Variants in DGCR2 observed in about 807,000 individuals in gnomAD.
The protein encoded by DGCR2 is integral membrane protein DGCR2/IDD.
DGCR2 carries 24 observed loss-of-function variants against 51.6 expected under a neutral mutation model. That is an observed-to-expected ratio of 0.47 (90% CI 0.34 to 0.65). The LOEUF is 0.65. Among genes scored for constraint, DGCR2 ranks in the 30% least tolerant of loss-of-function variants. DGCR2 has a pLI of 0.01. For missense variants in DGCR2, 765 were observed against 772.1 expected (o/e 0.99, Z 0.11); for synonymous variants, 340 against 315.4 (o/e 1.08, Z -0.82).
intron 1 of DGCR2, among the ~76,000 whole-genome samples, chr22:19,091,162 C>A (rs2793074): frequency 0.12 from 18,995 of 152,140 alleles, 1,927 homozygotes; most frequent in African/African-American, 0.28. Context: ...AGTTCAGGAC[C>A]AGCCTGAGCA....
chr22:19,076,457 G>A (rs1483708396), intron 2 of DGCR2, among the ~76,000 whole-genome samples: 1 of 151,752 alleles, frequency 6.6e-6, no homozygotes, highest in African/African-American at 2.4e-5. Flanking sequence ...GAGCCACCGC[G>A]CCCGGCAGGT....
intron 6 of DGCR2, among the ~76,000 whole-genome samples, chr22:19,054,644 T>C (rs952394326): frequency 2.6e-5 from 4 of 151,766 alleles, no homozygotes; most frequent in African/African-American, 9.7e-5. Flanking sequence ...GGCAGGAGGC[T>C]CACTTGAGCC....
Position 19,064,969 on chromosome 22 carries a change from G to C in DGCR2, c.427C>G (p.Gln143Glu). The stretch of plus-strand genomic sequence containing the variant: ...GAGCCATTCAGGCGCTGGCAGGTCT[G>C]CGCGGCATCCCAGTAGTTCTCCCCG... Reference protein sequence around the residue: ...LSGENYWDAAQTCQRLNGSLA... With the variant: ...LSGENYWDAAETCQRLNGSLA... Residue 143 changes from glutamine to glutamate, a missense_variant, in exon 4 of 10, where the codon CAG (glutamine) becomes GAG (glutamate). Transcript: ENST00000263196. 6.2e-7 allele frequency: 1 copy of C among 1,614,022 alleles called. No individual in the cohort carries two copies. The highest frequency in any genetic ancestry group is 8.5e-7 in the Non-Finnish European group (1 of 1,180,048).
intron 7 of DGCR2, chr22:19,047,518 A>G (rs948188551): frequency 3.3e-5 from 5 of 152,188 alleles, no homozygotes; most frequent in African/African-American, 7.2e-5. Context: ...GGCACCCAAG[A>G]AAGAAAGAAA....
chr22:19,095,183 A>G (rs1334119735), intron 1 of DGCR2, among the ~76,000 whole-genome samples: 1 of 152,066 alleles, frequency 6.6e-6, no homozygotes, highest in African/African-American at 2.4e-5. Context: ...ACCAACATGG[A>G]AAAACCCCAT....
At chr22:19,062,775 G>GCCCTCT (rs1555903875) in intron 5 of DGCR2, among the ~76,000 whole-genome samples, 1 of 108,858 alleles carries the variant, frequency 9.2e-6, no homozygotes, top group Non-Finnish European at 1.9e-5. Flanking sequence ...ACACATGCAT[G>GCCCTCT]CTCACTCTCT....
intron 2 of DGCR2, among the ~76,000 whole-genome samples, chr22:19,084,292 C>T (rs1454071517): frequency 1.3e-5 from 2 of 151,652 alleles, no homozygotes; most frequent in Non-Finnish European, 2.9e-5. Context: ...TCTGCCCGGC[C>T]GCCCATCATC....
In DGCR2 at chr22:19,121,312, AT is replaced by A. The variant is rs2083429552; in HGVS notation, c.79+815del. Among the ~76,000 whole-genome samples, 3 of 152,372 alleles carry A rather than the reference AT, an allele frequency of 2.0e-5. No homozygotes were observed. In the South Asian group the frequency reaches 6.2e-4, roughly 32 times the overall value. ...TTTTTTCTGCTGACTTTAAAAAAAA[AT>A]AAAATAACATTCGAAGGCTACTAAA... On this transcript the variant is annotated intron_variant, in intron 1 of 9. Transcript: ENST00000263196.
intron 5 of DGCR2, among the ~76,000 whole-genome samples, chr22:19,060,271 G>A (rs2082646396): frequency 6.6e-6 from 1 of 152,224 alleles, no homozygotes; most frequent in Non-Finnish European, 1.5e-5. Context: ...AGCCCTGACT[G>A]CTGGCCTCAG....
intron 2 of DGCR2, among the ~76,000 whole-genome samples, chr22:19,085,700 G>A (rs1261451594): frequency 6.6e-6 from 1 of 152,182 alleles, no homozygotes; most frequent in African/African-American, 2.4e-5. Context: ...CTGATCTACT[G>A]TTACATCTTT....
At chr22:19,115,126 T>C (rs2083359693) in intron 1 of DGCR2, among the ~76,000 whole-genome samples, 1 of 152,206 alleles carries the variant, frequency 6.6e-6, no homozygotes, top group African/African-American at 2.4e-5. Context: ...ATGCAGCCCA[T>C]GCACCCAGCC....
At chr22:19,045,708 A>G (rs889741616) in intron 7 of DGCR2, among the ~76,000 whole-genome samples, 5 of 152,298 alleles carry the variant, frequency 3.3e-5, no homozygotes, top group South Asian at 4.1e-4. Flanking sequence ...TACAGGCATG[A>G]GCCGCTGAAC....
intron 2 of DGCR2, among the ~76,000 whole-genome samples, chr22:19,076,686 ATCT>A (rs1428841093): frequency 6.9e-6 from 1 of 144,646 alleles, no homozygotes; most frequent in East Asian, 2.0e-4. Context: ...TCATTTGTTT[ATCT>A]TCTTTGGAGA....
intron 5 of DGCR2, among the ~76,000 whole-genome samples, chr22:19,062,775 G>GCTGTCTGTCT (rs2082686000): frequency 9.2e-6 from 1 of 108,860 alleles, no homozygotes; most frequent in Non-Finnish European, 1.9e-5. Context: ...ACACATGCAT[G>GCTGTCTGTCT]CTCACTCTCT....
chr22:19,116,427 T>C (rs2083374142), intron 1 of DGCR2, among the ~76,000 whole-genome samples: 1 of 152,164 alleles, frequency 6.6e-6, no homozygotes, highest in South Asian at 2.1e-4. Flanking sequence ...GTAAATCATG[T>C]CAGAAACACA....
intron 1 of DGCR2, among the ~76,000 whole-genome samples, chr22:19,119,436 G>A (rs1248139869): frequency 6.6e-6 from 1 of 151,996 alleles, no homozygotes; most frequent in Non-Finnish European, 1.5e-5. Flanking sequence ...AAGTTCAAAT[G>A]TGCACTTAAA....
intron 1 of DGCR2, among the ~76,000 whole-genome samples, chr22:19,118,837 C>T (rs1256939123): frequency 2.0e-5 from 3 of 152,198 alleles, no homozygotes; most frequent in Non-Finnish European, 1.5e-5. Flanking sequence ...AATCAGCAGT[C>T]GATGCTGCCT....
Position 19,063,251 on chromosome 22 carries a change from G to A in DGCR2, c.576C>T (p.Ile192=). 1 of 1,614,194 alleles carries A rather than the reference G, an allele frequency of 6.2e-7. No homozygotes were observed. Reference sequence around the variant, plus strand: ...CTTCCAAGGAGCGGTTCCGGCCAGTGATAACATACTGATAGCCAACCCACA... The same window carrying A: ...CTTCCAAGGAGCGGTTCCGGCCAGTAATAACATACTGATAGCCAACCCACA... The part of the protein sequence containing the change: ...RKLWVGYQYV[I]TGRNRSLEGR... Residue 192 remains isoleucine (I), a synonymous_variant, in exon 5 of 10, where the codon ATC becomes ATT. Transcript: ENST00000263196.
intron 5 of DGCR2, among the ~76,000 whole-genome samples, chr22:19,059,339 A>G (rs1425763652): frequency 6.6e-6 from 1 of 152,062 alleles, no homozygotes; most frequent in East Asian, 1.9e-4. Flanking sequence ...GACTGGTGCC[A>G]GGTGATGAGA....
Sources: allele counts gnomAD v4.1 joint callset (sites outside exome capture counted in the v4.1 genomes callset), GRCh38; gene constraint gnomAD v4.1.1; transcripts MANE v1.5; gene names NCBI Gene and HGNC (gene_info 2026-07-23, HGNC 2026-07-21).